The following ATP6V0A4 variants were observed in gnomAD, a reference collection of about 807,000 sequenced individuals.
ATP6V0A4 encodes ATPase H+ transporting V0 subunit a4, also known as V-type proton ATPase 116 kDa subunit a 4.
Under a neutral mutation model 107.3 loss-of-function variants are expected in ATP6V0A4, and 86 were observed. That is an observed-to-expected ratio of 0.80 (90% confidence interval 0.67 to 0.96). The LOEUF is 0.96. ATP6V0A4 is among the 40% of genes least tolerant of loss of function. ATP6V0A4 has a pLI of 0.00. For synonymous variants in ATP6V0A4, 353 were observed against 381.4 expected (o/e 0.93, Z 0.87); for missense variants, 908 against 1,045.6 (o/e 0.87, Z 1.81).
rs190798202 is a variant in ATP6V0A4 at position 138,771,366 on chromosome 7, A to G, written c.-17-102T>C. The G allele has an allele frequency of 2.9e-6, 4 of 1,381,702 alleles. No individual in the cohort carries two copies. In the African/African-American group the frequency reaches 5.9e-5, roughly 20 times the overall value. 85.6% of individuals were successfully genotyped at this position (1,381,702 alleles called of 1,614,324 possible). On this transcript the variant is annotated intron_variant, in intron 2 of 21. Coordinates refer to ENST00000310018, the MANE Select transcript of ATP6V0A4 (RefSeq NM_020632.3). ...TAAATTAAAATCTAACAGGGAAAAA[A>G]AATCCATTAGGAATCACTTCTGATT...
In ATP6V0A4 at chr7:138,730,045, G is replaced by A. The variant is rs185093575; in HGVS notation, c.1909-1183C>T. Among the ~76,000 whole-genome samples the A allele has an allele frequency of 5.3e-5, 8 of 152,228 alleles. No individual in the cohort carries two copies. In the East Asian group the frequency reaches 1.4e-3, roughly 26 times the overall value. ...ACAACCGGCATGTGCCACCACACCC[G>A]GCTAATTTTTTTGTATTTTTAGTCG... On this transcript the variant is annotated intron_variant, in intron 17 of 21. Coordinates refer to ENST00000310018, the MANE Select transcript of ATP6V0A4 (RefSeq NM_020632.3).
intron 14 of ATP6V0A4, among the ~76,000 whole-genome samples, chr7:138,744,733 C>T (rs971841648): frequency 6.6e-6 from 1 of 150,592 alleles, no homozygotes; most frequent in Non-Finnish European, 1.5e-5. Flanking sequence ...GATGGAGTCT[C>T]ACTCTGTCAC....
rs536206748 is a variant in ATP6V0A4, at chr7:138,789,075, G to A, written c.-120-2815C>T. 7.7e-4 allele frequency among the ~76,000 whole-genome samples: 117 copies of A among 152,260 alleles called. 1 individual carries two copies. In the South Asian group the frequency reaches 0.022, roughly 29 times the overall value. ...CTAATTGTAATCCGATGTTATATCT[G>A]TGTCTTCTTTCTAGTCTTCTTTGTG... is the stretch of plus-strand genomic sequence containing the variant. On this transcript the variant is annotated intron_variant, in intron 1 of 21. Coordinates refer to ENST00000310018, the MANE Select transcript of ATP6V0A4 (RefSeq NM_020632.3).
At chr7:138,707,670 G>C (rs969982019) in intron 21 of ATP6V0A4, among the ~76,000 whole-genome samples, 1 of 151,424 alleles carries the variant, frequency 6.6e-6, no homozygotes, top group African/African-American at 2.4e-5. Context: ...CCAAAGTGCT[G>C]GGATTACAGG....
At chr7:138,721,111 C>G (rs1429625866) in intron 19 of ATP6V0A4, among the ~76,000 whole-genome samples, 1 of 152,192 alleles carries the variant, frequency 6.6e-6, no homozygotes, top group African/African-American at 2.4e-5. Flanking sequence ...ATGGAACAGA[C>G]AGCTGCTTTC....
chr7:138,709,828 T>C (rs547184342), intron 20 of ATP6V0A4, 33 bp from the exon 21 acceptor site: 1 of 1,610,038 alleles, frequency 6.2e-7, no homozygotes, highest in East Asian at 2.2e-5. Context: ...GGGATTATCT[T>C]GTAAATGCAG....
intron 19 of ATP6V0A4, among the ~76,000 whole-genome samples, chr7:138,718,129 A>T (rs1398517527): frequency 1.2e-3 from 88 of 72,698 alleles, no homozygotes; most frequent in African/African-American, 4.3e-3. Flanking sequence ...ATGTCTGCAG[A>T]GGGAGACGTC....
chr7:138,791,717 C>T (rs994302648), intron 1 of ATP6V0A4, among the ~76,000 whole-genome samples: 18 of 151,984 alleles, frequency 1.2e-4, no homozygotes, highest in African/African-American at 4.1e-4. Flanking sequence ...CATTTTGTAC[C>T]CAATGAAGGT....
At chr7:138,755,934 C>T in intron 9 of ATP6V0A4, 152 bp from the exon 10 acceptor site, 2 of 1,401,886 alleles carry the variant, frequency 1.4e-6, no homozygotes, top group Non-Finnish European at 1.9e-6. Context: ...AAAGGAGTCC[C>T]AGTCATAAGG....
chr7:138,743,237 C>G (rs1159225798), intron 14 of ATP6V0A4, among the ~76,000 whole-genome samples: 2 of 151,966 alleles, frequency 1.3e-5, no homozygotes, highest in African/African-American at 4.8e-5. Context: ...GCAGGTGGAT[C>G]AATTCAGGCC....
intron 2 of ATP6V0A4, among the ~76,000 whole-genome samples, chr7:138,775,022 C>T (rs2117347610): frequency 6.6e-6 from 1 of 152,238 alleles, no homozygotes; most frequent in East Asian, 1.9e-4. Context: ...GGGTGCGGGG[C>T]TGCAACAGCC....
intron 2 of ATP6V0A4, among the ~76,000 whole-genome samples, chr7:138,774,395 A>G (rs1161066531): frequency 6.6e-6 from 1 of 151,978 alleles, no homozygotes; most frequent in East Asian, 1.9e-4. Flanking sequence ...CCTGGCCAAC[A>G]TGGTGAAATC....
At chr7:138,771,324 G>T in intron 2 of ATP6V0A4, 60 bp from the exon 3 acceptor site, 3 of 1,566,802 alleles carry the variant, frequency 1.9e-6, no homozygotes, top group Non-Finnish European at 2.6e-6. Flanking sequence ...GAAAACCTTA[G>T]GGTGAAATTT....
intron 8 of ATP6V0A4, among the ~76,000 whole-genome samples, chr7:138,758,904 C>T (rs897863290): frequency 6.6e-6 from 1 of 151,262 alleles, no homozygotes; most frequent in Non-Finnish European, 1.5e-5. Context: ...GTGTGCGCCA[C>T]CACTCCTGGC....
chr7:138,752,242 C>T (rs1213154051), intron 11 of ATP6V0A4, among the ~76,000 whole-genome samples: 1 of 152,022 alleles, frequency 6.6e-6, no homozygotes, highest in Non-Finnish European at 1.5e-5. Flanking sequence ...TGGTAGGGCG[C>T]ACCTGTAATC....
chr7:138,771,043 G>T, intron 3 of ATP6V0A4, 88 bp downstream of exon 3: 1 of 1,292,370 alleles, frequency 7.7e-7, no homozygotes, highest in Non-Finnish European at 1.1e-6. Context: ...CTACAAAATG[G>T]TTATTGTTCA....
At chr7:138,788,007 G>GA (rs1207704372) in intron 1 of ATP6V0A4, among the ~76,000 whole-genome samples, 1 of 151,400 alleles carries the variant, frequency 6.6e-6, no homozygotes, top group East Asian at 1.9e-4. Flanking sequence ...CTTAAAAACG[G>GA]AAAAAGAAAA....
chr7:138,706,753 G>A (rs1400970484), intron 21 of ATP6V0A4, 36 bp from the exon 22 acceptor site: 24 of 1,610,736 alleles, frequency 1.5e-5, no homozygotes, highest in Non-Finnish European at 1.8e-5. Context: ...TAAGAAATGG[G>A]AGATTGAAAC....
Position 138,728,814 on chromosome 7 carries a change from A to C in ATP6V0A4, c.1957T>G (p.Trp653Gly). Reference sequence around the variant, plus strand: ...ATAAACGGCTTAATCAGAAGCATCCACGGCACAGAAATCAAAGCCATAACC... The same window carrying C: ...ATAAACGGCTTAATCAGAAGCATCCCCGGCACAGAAATCAAAGCCATAACC... ...FVVMALISVPWMLLIKPFILR... is the reference protein window; with the variant it reads ...FVVMALISVPGMLLIKPFILR... The change falls in exon 18 of 22, where the codon TGG becomes GGG. Residue 653 changes from tryptophan (W) to glycine (G), a missense_variant. By Grantham distance (184) the Trp-to-Gly change is radical. Transcript: ENST00000310018. 1 of 1,614,202 alleles carries C rather than the reference A, an allele frequency of 6.2e-7. No homozygotes were observed. Among genetic ancestry groups the C allele is most frequent in the Non-Finnish European group, 8.5e-7 (1 of 1,180,040 alleles).
Sources: allele counts gnomAD v4.1 joint callset (sites outside exome capture counted in the v4.1 genomes callset), GRCh38; gene constraint gnomAD v4.1.1; transcripts MANE v1.5; gene names NCBI Gene and HGNC (gene_info 2026-07-23, HGNC 2026-07-21).